Variants in POF1B observed in about 807,000 individuals in gnomAD.
The protein encoded by POF1B is POF1B actin binding protein.
A neutral mutation model predicts 55.3 loss-of-function variants in POF1B; 53 were observed. The observed-to-expected ratio is 0.96, with a 90% CI of 0.77 to 1.20. The LOEUF is 1.20. POF1B is among the 50% of genes most tolerant of loss of function. POF1B has a pLI of 0.00. For missense variants in POF1B, 478 were observed against 420.5 expected (o/e 1.14, Z -1.20); for synonymous variants, 188 against 148.3 (o/e 1.27, Z -1.95).
At chrX:85,346,807 C>T in intron 5 of POF1B, among the ~76,000 whole-genome samples, 1 of 110,370 alleles carries the variant, frequency 9.1e-6, no homozygotes, top group Non-Finnish European at 1.9e-5. Flanking sequence ...TTGTCATAGT[C>T]ATCATCAACT....
intron 7 of POF1B, among the ~76,000 whole-genome samples, chrX:85,319,024 G>C (rs933427666): frequency 1.8e-5 from 2 of 110,728 alleles, no homozygotes; most frequent in African/African-American, 6.6e-5. Context: ...TCCATTTGTT[G>C]GTGTCGTCTC....
At position 85,356,610 on chromosome X, in the gene POF1B, A is replaced by C. The variant is rs183562248; in HGVS notation, c.438+2940T>G. 3.8e-3 allele frequency among the ~76,000 whole-genome samples: 420 copies of C among 111,351 alleles called. 2 individuals are homozygous for C. Among genetic ancestry groups the C allele is most frequent in the African/African-American group, 0.013 (390 of 30,730 alleles). ...CTTTCCCCAAATCTGTAAGGAAGTA[A>C]ATCAAAAATTGATTTAAATAAACAA... On this transcript the variant is annotated intron_variant, in intron 4 of 16. Coordinates refer to ENST00000262753, the MANE Select transcript of POF1B (RefSeq NM_024921.4).
intron 4 of POF1B, among the ~76,000 whole-genome samples, chrX:85,354,423 TG>T (rs1933447029): frequency 9.0e-6 from 1 of 110,657 alleles, no homozygotes; most frequent in African/African-American, 3.3e-5. Flanking sequence ...ATCTTAGGAA[TG>T]TAATCATCCT....
intron 7 of POF1B, among the ~76,000 whole-genome samples, chrX:85,327,053 C>G (rs749264289): frequency 1.8e-5 from 2 of 110,980 alleles, no homozygotes; most frequent in Non-Finnish European, 3.8e-5. Flanking sequence ...CATGCTCCAC[C>G]ACAGAGGCTC....
chrX:85,298,385 C>A (rs146065169), intron 15 of POF1B, among the ~76,000 whole-genome samples: 4 of 111,669 alleles, frequency 3.6e-5, no homozygotes, highest in African/African-American at 1.3e-4. Context: ...GTCGTGAGAT[C>A]TCTTGTAGCT....
chrX:85,319,914 T>G (rs185866562), intron 7 of POF1B, among the ~76,000 whole-genome samples: 169 of 111,397 alleles, frequency 1.5e-3, no homozygotes, highest in African/African-American at 5.3e-3. Flanking sequence ...ACCTCTTTCT[T>G]ATTTTTTCAG....
At chrX:85,340,890 A>C (rs1170043544) in intron 6 of POF1B, among the ~76,000 whole-genome samples, 1 of 111,533 alleles carries the variant, frequency 9.0e-6, no homozygotes, top group African/African-American at 3.2e-5. Flanking sequence ...AAAACCAAGC[A>C]AATGAAAAAA....
At position 85,368,610 on chromosome X, in the gene POF1B, C is replaced by A. The variant is rs183965873; in HGVS notation, c.283-844G>T. Among the ~76,000 whole-genome samples the A allele has an allele frequency of 3.7e-3, 417 of 111,488 alleles. 1 individual carries two copies. The highest frequency in any genetic ancestry group is 0.013 in the African/African-American group (394 of 30,790). ...AAGAGTAATTAATTTTAAATCACTT[C>A]AAGCTAACTCTTAATTATGCTTTGT... On this transcript the variant is annotated intron_variant, in intron 2 of 16. Coordinates refer to ENST00000262753, the MANE Select transcript of POF1B (RefSeq NM_024921.4).
chrX:85,321,316 A>T (rs1368924940), intron 7 of POF1B, among the ~76,000 whole-genome samples: 4 of 111,175 alleles, frequency 3.6e-5, no homozygotes, highest in Non-Finnish European at 7.5e-5. Flanking sequence ...GTAATACAGC[A>T]TATAAACAGA....
In POF1B at chrX:85,345,879, G is replaced by T; in HGVS notation, c.704C>A (p.Ser235Ter). ...HIGNELCHSGSSQICEQVIIQ... is the reference protein window; with the variant it reads ...HIGNELCHSG Reference sequence around the variant, plus strand: ...TCTTACCTGCTCACAAATCTGGCTTGATCCACTATGGCACAGTTCATTTCC... The same window carrying T: ...TCTTACCTGCTCACAAATCTGGCTTTATCCACTATGGCACAGTTCATTTCC... The change falls in exon 6 of 17, where the codon TCA becomes TAA. Residue 235 changes from serine to a stop codon, truncating the protein, a stop_gained. Coordinates refer to ENST00000262753, the MANE Select transcript of POF1B (RefSeq NM_024921.4). LOFTEE classifies it high-confidence loss of function. 8.3e-7 allele frequency: 1 copy of T among 1,200,757 alleles called. No homozygotes were observed. Among genetic ancestry groups the T allele is most frequent in the Non-Finnish European group, 1.1e-6 (1 of 889,828 alleles).
At chrX:85,319,534 T>C (rs1467351973) in intron 7 of POF1B, among the ~76,000 whole-genome samples, 1 of 111,609 alleles carries the variant, frequency 9.0e-6, no homozygotes, top group African/African-American at 3.2e-5. Context: ...TATTCTGAAG[T>C]ATGTTTCTCC....
At chrX:85,281,581 G>A (rs779809577) in intron 16 of POF1B, among the ~76,000 whole-genome samples, 1 of 110,046 alleles carries the variant, frequency 9.1e-6, no homozygotes, top group African/African-American at 3.3e-5. Flanking sequence ...TTTGGAGGAT[G>A]TTGTAGAAGG....
chrX:85,328,312 C>G (rs1379825723), intron 7 of POF1B, among the ~76,000 whole-genome samples: 1 of 108,605 alleles, frequency 9.2e-6, no homozygotes, highest in Non-Finnish European at 1.9e-5. Context: ...TCACGTCATT[C>G]TCCTGCTTTA....
chrX:85,304,548 G>A lies in POF1B; in HGVS notation c.1438-77C>T, dbSNP rs1932529553. The A allele has an allele frequency of 5.0e-6, 3 of 601,972 alleles. No homozygotes were observed. The Admixed American group carries it at 1.7e-4, about 35-fold the overall frequency. 49.6% of individuals were successfully genotyped at this position (601,972 alleles called of 1,213,427 possible). ...TGTAACTGAGTTCCAGGGAGGTTAAGTGACACAAACTCACACAGTTATGAA... is the reference window on the plus strand; with the variant it reads ...TGTAACTGAGTTCCAGGGAGGTTAAATGACACAAACTCACACAGTTATGAA... On this transcript the variant is annotated intron_variant, in intron 13 of 16. Transcript: ENST00000262753.
At chrX:85,344,897 G>A (rs1486079539) in intron 6 of POF1B, among the ~76,000 whole-genome samples, 1 of 111,750 alleles carries the variant, frequency 8.9e-6, no homozygotes, top group Non-Finnish European at 1.9e-5. Flanking sequence ...AAATGCAGAT[G>A]TGAGTCACCG....
rs373475107 is a variant in POF1B, at chrX:85,279,435, G to GA, written c.1765-10dup. 2.3e-4 allele frequency: 268 copies of GA among 1,151,308 alleles called. No individual in the cohort carries two copies. The highest frequency in any genetic ancestry group is 3.7e-4 in the East Asian group (12 of 32,670). The allele number at this position is 1,151,308 out of a possible 1,213,427, so 94.9% of individuals were successfully genotyped here. The stretch of plus-strand genomic sequence containing the variant: ...AGTGGATCCATTCATGGCTAGAAAA[G>GA]AAAAAAAAAGGTTATCTTACAACTG... On this transcript the variant is annotated splice_polypyrimidine_tract_variant and intron_variant, in intron 16 of 16. Coordinates refer to ENST00000262753, the MANE Select transcript of POF1B (RefSeq NM_024921.4).
intron 6 of POF1B, among the ~76,000 whole-genome samples, chrX:85,339,147 C>T (rs1169264959): frequency 3.6e-5 from 4 of 110,965 alleles, no homozygotes; most frequent in African/African-American, 3.3e-5. Flanking sequence ...GCCTCACAAT[C>T]ATGGTGGGAG....
chrX:85,307,068 C>A (rs1240967089), intron 11 of POF1B, 95 bp downstream of exon 11: 7 of 687,567 alleles, frequency 1.0e-5, no homozygotes, highest in Admixed American at 3.9e-5. Context: ...ATATTTAATT[C>A]TGTCTTGATT....
intron 7 of POF1B, among the ~76,000 whole-genome samples, chrX:85,325,877 T>C (rs1052493545): frequency 6.3e-5 from 7 of 111,370 alleles, no homozygotes; most frequent in Non-Finnish European, 1.1e-4. Flanking sequence ...TTTGGTGTCC[T>C]TGGAGGTTTG....
Sources: allele counts gnomAD v4.1 joint callset (sites outside exome capture counted in the v4.1 genomes callset), GRCh38; gene constraint gnomAD v4.1.1; transcripts MANE v1.5; gene names NCBI Gene and HGNC (gene_info 2026-07-23, HGNC 2026-07-21).